TNIK: variants seen among roughly 807,000 people sequenced by gnomAD.
TNIK encodes TRAF2 and NCK interacting kinase.
TNIK carries 49 observed loss-of-function variants against 191.3 expected under a neutral mutation model. The ratio of observed to expected loss-of-function variants is 0.26; its 90% CI spans 0.20 to 0.32. The LOEUF is 0.32. TNIK is among the 10% of genes least tolerant of loss of function. The probability of loss-of-function intolerance (pLI) is 1.00; values close to 1 mark genes in which losing one functional copy is unlikely to be tolerated. For synonymous variants in TNIK, 594 were observed against 600.9 expected (o/e 0.99, Z 0.17); for missense variants, 1,155 against 1,702.3 (o/e 0.68, Z 5.66).
intron 28 of TNIK, among the ~76,000 whole-genome samples, chr3:171,074,857 CAG>C (rs2108337260): frequency 6.6e-6 from 1 of 152,270 alleles, no homozygotes; most frequent in South Asian, 2.1e-4. Context: ...CTAAGGCAAA[CAG>C]TGTTTCTGAA....
At chr3:171,143,069 G>A (rs533774761) in intron 12 of TNIK, among the ~76,000 whole-genome samples, 2 of 152,282 alleles carry the variant, frequency 1.3e-5, no homozygotes, top group African/African-American at 2.4e-5. Context: ...CAAGTACTCT[G>A]TAGTTTCTGA....
At chr3:171,135,622 C>T (rs1481866004) in intron 15 of TNIK, among the ~76,000 whole-genome samples, 1 of 152,156 alleles carries the variant, frequency 6.6e-6, no homozygotes, top group Non-Finnish European at 1.5e-5. Context: ...AAGAATGTTC[C>T]CATATATCTG....
intron 4 of TNIK, among the ~76,000 whole-genome samples, chr3:171,197,664 C>T (rs958193426): frequency 1.3e-5 from 2 of 152,152 alleles, no homozygotes; most frequent in Non-Finnish European, 2.9e-5. Flanking sequence ...GGCTTGATGT[C>T]ATTAGTCATT....
At chr3:171,448,964 C>T (rs1727852491) in intron 1 of TNIK, among the ~76,000 whole-genome samples, 1 of 151,964 alleles carries the variant, frequency 6.6e-6, no homozygotes. Context: ...CATATGTTCT[C>T]ATTGTTCAAC....
intron 9 of TNIK, among the ~76,000 whole-genome samples, chr3:171,174,729 C>T (rs1335879991): frequency 6.6e-6 from 1 of 152,094 alleles, no homozygotes; most frequent in Non-Finnish European, 1.5e-5. Context: ...AAATCGCTGC[C>T]CCAAATAAGA....
intron 12 of TNIK, among the ~76,000 whole-genome samples, chr3:171,149,588 C>T (rs1406046699): frequency 3.9e-5 from 6 of 152,284 alleles, no homozygotes; most frequent in Non-Finnish European, 7.4e-5. Flanking sequence ...AGCCCTTTTG[C>T]GATCCACTGG....
rs75034954 is a variant in TNIK, at chr3:171,396,464, A to G, written c.58-26779T>C. ...ACATATTTTCATTTCAGTTGGGTAC[A>G]CAATACGTAGGAGTAGAATTGCCTG... is the stretch of plus-strand genomic sequence containing the variant. On this transcript the variant is annotated intron_variant, in intron 1 of 32. Coordinates refer to ENST00000436636, the MANE Select transcript of TNIK (RefSeq NM_015028.4). 2.2e-4 allele frequency among the ~76,000 whole-genome samples: 34 copies of G among 152,322 alleles called. No homozygotes were observed. In the East Asian group the frequency reaches 6.6e-3, roughly 29 times the overall value.
chr3:171,100,405 T>C (rs1723300940), intron 22 of TNIK, among the ~76,000 whole-genome samples: 1 of 152,148 alleles, frequency 6.6e-6, no homozygotes, highest in Non-Finnish European at 1.5e-5. Context: ...TATGTAATGA[T>C]GTTAATCAGT....
intron 4 of TNIK, among the ~76,000 whole-genome samples, chr3:171,195,025 A>C (rs964752979): frequency 6.6e-6 from 1 of 152,312 alleles, no homozygotes; most frequent in South Asian, 2.1e-4. Context: ...AGGTGTCCCA[A>C]CTTAGGGTTA....
At chr3:171,169,323 A>G (rs1473510331) in intron 9 of TNIK, among the ~76,000 whole-genome samples, 1 of 151,844 alleles carries the variant, frequency 6.6e-6, no homozygotes, top group African/African-American at 2.4e-5. Flanking sequence ...GCTGGAGTGC[A>G]ATGGCATGAT....
chr3:171,309,266 T>G (rs1029972260), intron 2 of TNIK, among the ~76,000 whole-genome samples: 9 of 152,130 alleles, frequency 5.9e-5, no homozygotes, highest in African/African-American at 2.2e-4. Context: ...TGGATGGAGC[T>G]GGAGGTCATC....
chr3:171,285,621 A>G (rs763306592), intron 2 of TNIK, among the ~76,000 whole-genome samples: 1 of 152,184 alleles, frequency 6.6e-6, no homozygotes. Context: ...AATCAGTATT[A>G]TTATTATTAA....
chr3:171,427,035 T>C (rs1724729217), intron 1 of TNIK, among the ~76,000 whole-genome samples: 1 of 152,152 alleles, frequency 6.6e-6, no homozygotes, highest in Non-Finnish European at 1.5e-5. Context: ...AGCATAAAAT[T>C]TGGGAGCTGG....
At chr3:171,164,963 A>G (rs1356400219) in intron 10 of TNIK, among the ~76,000 whole-genome samples, 1 of 152,216 alleles carries the variant, frequency 6.6e-6, no homozygotes, top group African/African-American at 2.4e-5. Context: ...CTGATCATAC[A>G]TTCCTTCAAG....
intron 2 of TNIK, among the ~76,000 whole-genome samples, chr3:171,356,728 C>G (rs1160911448): frequency 6.6e-6 from 1 of 152,138 alleles, no homozygotes; most frequent in African/African-American, 2.4e-5. Context: ...CTACTACTTA[C>G]CTGGGGGCTT....
chr3:171,208,554 T>TTTG (rs148402034), intron 4 of TNIK, among the ~76,000 whole-genome samples: 2 of 118,854 alleles, frequency 1.7e-5, no homozygotes, highest in African/African-American at 3.4e-5. Flanking sequence ...TATTTTATTT[T>TTTG]TGTGTGTATG....
chr3:171,280,785 T>C (rs1577339339), intron 2 of TNIK, among the ~76,000 whole-genome samples: 2 of 152,342 alleles, frequency 1.3e-5, no homozygotes, highest in Admixed American at 1.3e-4. Context: ...ATCAGATCTA[T>C]AAGCTTTAAG....
At chr3:171,281,186 CAA>C (rs5854413) in intron 2 of TNIK, among the ~76,000 whole-genome samples, 5 of 146,288 alleles carry the variant, frequency 3.4e-5, no homozygotes, top group African/African-American at 7.5e-5. Flanking sequence ...TCTTTGGCCT[CAA>C]AAAAAAAAAT....
chr3:171,288,546 C>T (rs4894766), intron 2 of TNIK, among the ~76,000 whole-genome samples: 3,130 of 152,102 alleles, frequency 0.021, 43 homozygotes, highest in Middle Eastern at 0.037. Flanking sequence ...CGGTGGCTCA[C>T]GCCTGTAATC....
Sources: allele counts gnomAD v4.1 joint callset (sites outside exome capture counted in the v4.1 genomes callset), GRCh38; gene constraint gnomAD v4.1.1; transcripts MANE v1.5; gene names NCBI Gene and HGNC (gene_info 2026-07-23, HGNC 2026-07-21).